Variants in RIMKLB observed in about 807,000 individuals in gnomAD.
RIMKLB encodes ribosomal modification protein rimK like family member B.
RIMKLB carries 7 observed loss-of-function variants against 32.0 expected under a neutral mutation model. The ratio of observed to expected loss-of-function variants is 0.22; its 90% confidence interval spans 0.12 to 0.41. RIMKLB has a LOEUF of 0.41. Ranked by LOEUF, RIMKLB falls within the 10% of genes least tolerant of loss-of-function variation. The probability of loss-of-function intolerance (pLI) is 1.00; values close to 1 mark genes in which losing one functional copy is unlikely to be tolerated. For missense variants in RIMKLB, 289 were observed against 498.7 expected, an observed-to-expected ratio of 0.58 and a Z score of 4.00; for synonymous variants, 172 against 185.1, an observed-to-expected ratio of 0.93 and a Z score of 0.57.
At position 8,776,644 on chromosome 12, in the gene RIMKLB, T is replaced by G. The variant is rs1317239104; in HGVS notation, c.*2860T>G. 2 of 932,180 alleles carry G rather than the reference T, an allele frequency of 2.1e-6. No individual in the cohort carries two copies. Among genetic ancestry groups the G allele is most frequent in the African/African-American group, 3.6e-5 (2 of 56,024 alleles). The allele number at this position is 932,180 out of a possible 1,614,324, so 57.7% of individuals were successfully genotyped here. A position where few individuals can be genotyped will look rare whatever the true frequency, so the allele number is the denominator to read the frequency against. On this transcript the variant is annotated 3_prime_UTR_variant, in exon 6 of 6. Coordinates refer to ENST00000535829, the MANE Select transcript of RIMKLB (RefSeq NM_001297776.2). Reference sequence around the variant, plus strand: ...CTTTATATATCTAAACATACAAGTATGAACTATTCTATTTAAAATTTTTAA... The same window carrying G: ...CTTTATATATCTAAACATACAAGTAGGAACTATTCTATTTAAAATTTTTAA...
At chr12:8,747,188 A>G (rs1742093942) in intron 2 of RIMKLB, among the ~76,000 whole-genome samples, 1 of 151,972 alleles carries the variant, frequency 6.6e-6, no homozygotes, top group South Asian at 2.1e-4. Flanking sequence ...TCCAGCACAG[A>G]CTCTCAGTTC....
Position 8,719,525 on chromosome 12 carries a change from C to T in RIMKLB, c.175+5484C>T, listed in dbSNP as rs758153480. On this transcript the variant is annotated intron_variant, in intron 2 of 5. Transcript: ENST00000535829. ...CTGAGATTACAGGCGCCCACCATTACGCCCAGCTGATTTTTGTATTTTTAG... is the reference window on the plus strand; with the variant it reads ...CTGAGATTACAGGCGCCCACCATTATGCCCAGCTGATTTTTGTATTTTTAG... Among the ~76,000 whole-genome samples the T allele has an allele frequency of 9.2e-5, 14 of 152,214 alleles. No individual in the cohort carries two copies. In the East Asian group the frequency reaches 2.1e-3, roughly 23 times the overall value.
intron 1 of RIMKLB, among the ~76,000 whole-genome samples, chr12:8,690,538 G>T (rs150702068): frequency 2.0e-5 from 3 of 152,270 alleles, no homozygotes; most frequent in African/African-American, 7.2e-5. Flanking sequence ...TTTGCTACTC[G>T]GATTCAAATC....
At chr12:8,742,665 C>T (rs967219259) in intron 2 of RIMKLB, 2 of 223,452 alleles carry the variant, frequency 9.0e-6, no homozygotes, top group African/African-American at 4.7e-5. Flanking sequence ...AGTGATATAT[C>T]CTCTAGGAAT....
intron 2 of RIMKLB, among the ~76,000 whole-genome samples, chr12:8,734,786 A>G (rs928838026): frequency 3.3e-5 from 5 of 152,038 alleles, no homozygotes; most frequent in Admixed American, 6.5e-5. Flanking sequence ...AAATTATTTT[A>G]TAAAAATAGA....
At chr12:8,719,841 A>G (rs752918804) in intron 2 of RIMKLB, among the ~76,000 whole-genome samples, 10 of 152,376 alleles carry the variant, frequency 6.6e-5, no homozygotes, top group South Asian at 6.2e-4. Flanking sequence ...ATAAAGGACA[A>G]TGTACAAGGT....
intron 5 of RIMKLB, among the ~76,000 whole-genome samples, chr12:8,769,090 A>G (rs565099685): frequency 2.5e-4 from 38 of 151,816 alleles, no homozygotes; most frequent in Non-Finnish European, 4.3e-4. Flanking sequence ...GAAGGTATTA[A>G]TACAAAGCAT....
At chr12:8,728,687 C>T (rs758306950) in intron 2 of RIMKLB, among the ~76,000 whole-genome samples, 17 of 152,240 alleles carry the variant, frequency 1.1e-4, no homozygotes, top group African/African-American at 3.6e-4. Flanking sequence ...TGTTGGCTCA[C>T]TGCAACCTCC....
chr12:8,750,147 T>A, intron 3 of RIMKLB, 55 bp downstream of exon 3: 1 of 1,119,224 alleles, frequency 8.9e-7, no homozygotes, highest in Non-Finnish European at 1.3e-6. Flanking sequence ...ATAGTTTTAA[T>A]AGGATAAATT....
chr12:8,730,561 A>G (rs960374547), intron 2 of RIMKLB, among the ~76,000 whole-genome samples: 2 of 152,190 alleles, frequency 1.3e-5, no homozygotes, highest in Non-Finnish European at 2.9e-5. Flanking sequence ...GGTGAAACAG[A>G]CCAGACCTTA....
intron 5 of RIMKLB, 59 bp from the exon 6 acceptor site, chr12:8,773,262 T>G: frequency 7.7e-7 from 1 of 1,294,644 alleles, no homozygotes; most frequent in Non-Finnish European, 1.1e-6. Flanking sequence ...GAGGCCAACT[T>G]TAATTTTATT....
intron 2 of RIMKLB, among the ~76,000 whole-genome samples, chr12:8,740,016 C>T (rs890633342): frequency 2.6e-5 from 4 of 152,268 alleles, no homozygotes; most frequent in African/African-American, 9.6e-5. Flanking sequence ...TCAAGCAGTT[C>T]TGCCTTAGCC....
chr12:8,703,046 G>A (rs1216938812), intron 1 of RIMKLB, among the ~76,000 whole-genome samples: 1 of 152,186 alleles, frequency 6.6e-6, no homozygotes, highest in Non-Finnish European at 1.5e-5. Context: ...AACACTTTGT[G>A]GGGCCAAGAT....
At chr12:8,694,980 G>A (rs1022506322), upstream of RIMKLB, among the ~76,000 whole-genome samples, 1 of 152,146 alleles carries the variant, frequency 6.6e-6, no homozygotes, top group African/African-American at 2.4e-5. Context: ...CATTACATTT[G>A]AGTTACCTCA....
chr12:8,711,328 G>A (rs956472798), intron 1 of RIMKLB, among the ~76,000 whole-genome samples: 1 of 151,988 alleles, frequency 6.6e-6, no homozygotes, highest in African/African-American at 2.4e-5. Flanking sequence ...AGGCCGAGGA[G>A]TTTGAGGCTG....
intron 1 of RIMKLB, among the ~76,000 whole-genome samples, chr12:8,710,722 C>G (rs1461690248): frequency 6.6e-6 from 1 of 152,144 alleles, no homozygotes; most frequent in Non-Finnish European, 1.5e-5. Context: ...ACTGATGTAT[C>G]AGCAGCGGAA....
chr12:8,698,798 C>T (rs991831930), intron 1 of RIMKLB, among the ~76,000 whole-genome samples: 1 of 151,874 alleles, frequency 6.6e-6, no homozygotes, highest in Non-Finnish European at 1.5e-5. Flanking sequence ...TCCACGTTTT[C>T]CTCCTTACGT....
chr12:8,758,009 AG>A (rs1198021103), intron 5 of RIMKLB, among the ~76,000 whole-genome samples: 2 of 149,992 alleles, frequency 1.3e-5, no homozygotes, highest in African/African-American at 4.9e-5. Context: ...TTGCCCAGGC[AG>A]GTCTCGAACT....
At chr12:8,765,390 T>C (rs1949869686) in intron 5 of RIMKLB, among the ~76,000 whole-genome samples, 2 of 152,210 alleles carry the variant, frequency 1.3e-5, no homozygotes, top group Non-Finnish European at 2.9e-5. Flanking sequence ...TCCTCTGTTG[T>C]CATCCTATCA....
Sources: allele counts gnomAD v4.1 joint callset (sites outside exome capture counted in the v4.1 genomes callset), GRCh38; gene constraint gnomAD v4.1.1; transcripts MANE v1.5; gene names NCBI Gene and HGNC (gene_info 2026-07-23, HGNC 2026-07-21).